Variants in TRPM6 observed in about 807,000 individuals in gnomAD.
The protein encoded by TRPM6 is transient receptor potential cation channel subfamily M member 6.
In TRPM6, 111 loss-of-function variants were observed where a neutral mutation model predicts 247.6. The observed-to-expected ratio is 0.45, with a 90% CI of 0.38 to 0.52. The LOEUF is 0.52. Among genes scored for constraint, TRPM6 ranks in the 20% least tolerant of loss-of-function variants. The pLI is 0.00. For synonymous variants in TRPM6, 892 were observed against 853.8 expected, an observed-to-expected ratio of 1.04 and a Z score of -0.78; for missense variants, 2,126 against 2,421.5, an observed-to-expected ratio of 0.88 and a Z score of 2.56.
intron 25 of TRPM6, among the ~76,000 whole-genome samples, chr9:74,764,810 A>T (rs975641139): frequency 2.6e-5 from 4 of 152,234 alleles, no homozygotes; most frequent in African/African-American, 7.2e-5. Context: ...AGGCATTGAT[A>T]TCTCTTGATT....
chr9:74,801,778 C>A, intron 16 of TRPM6, 120 bp downstream of exon 16: 1 of 1,238,918 alleles, frequency 8.1e-7, no homozygotes, highest in Admixed American at 1.8e-5. Context: ...ACAGGAGAGT[C>A]CATAAAATGC....
intron 14 of TRPM6, chr9:74,804,821 A>G (rs1270154213): frequency 5.9e-6 from 3 of 511,358 alleles, no homozygotes; most frequent in African/African-American, 3.9e-5. Flanking sequence ...AGCTTAATGT[A>G]AAATAAACAT....
intron 1 of TRPM6, chr9:74,887,531 A>C: frequency 8.0e-7 from 1 of 1,242,574 alleles, no homozygotes. Flanking sequence ...TGAACCCCCG[A>C]CCCCCGCTAG....
intron 23 of TRPM6, among the ~76,000 whole-genome samples, chr9:74,777,860 A>G (rs898223349): frequency 3.9e-5 from 6 of 152,224 alleles, no homozygotes; most frequent in South Asian, 2.1e-4. Flanking sequence ...AGCACTCTGC[A>G]GTCGTGCATT....
rs1826709996 is a variant in TRPM6 at position 74,763,127 on chromosome 9, C to T, written c.3544G>A (p.Glu1182Lys). Residue 1182 changes from glutamate (E) to lysine (K), a missense_variant, in exon 26 of 39, where the codon GAG becomes AAG. Glu to Lys is a moderately conservative substitution (Grantham distance 56, BLOSUM62 1). Coordinates refer to ENST00000360774, the MANE Select transcript of TRPM6 (RefSeq NM_017662.5). ...RIRVTSERVTEMYFQLKEMNE... is the reference protein window; with the variant it reads ...RIRVTSERVTKMYFQLKEMNE... The stretch of plus-strand genomic sequence containing the variant: ...ATTTCTTTCAGCTGGAAGTACATCT[C>T]TGTAACCCTAGTGGTGAAGGAAGGG... 5 of 1,610,200 alleles carry T rather than the reference C, an allele frequency of 3.1e-6. No individual in the cohort carries two copies. Among genetic ancestry groups the T allele is most frequent in the Non-Finnish European group, 3.4e-6 (4 of 1,179,974 alleles).
At chr9:74,748,071 T>C (rs1826113183) in intron 30 of TRPM6, among the ~76,000 whole-genome samples, 157 bp from the exon 31 acceptor site, 1 of 152,214 alleles carries the variant, frequency 6.6e-6, no homozygotes, top group South Asian at 2.1e-4. Flanking sequence ...AATGATGTTT[T>C]GGTCAACAAC....
chr9:74,755,293 C>T (rs1031622688), intron 28 of TRPM6, 60 bp downstream of exon 28: 2 of 1,591,264 alleles, frequency 1.3e-6, no homozygotes, highest in African/African-American at 2.7e-5. Flanking sequence ...GGTCTAAAGA[C>T]CGTACCCTGA....
At chr9:74,758,042 A>G (rs1052296338) in intron 27 of TRPM6, among the ~76,000 whole-genome samples, 12 of 152,372 alleles carry the variant, frequency 7.9e-5, no homozygotes, top group Admixed American at 2.0e-4. Context: ...TAAATTAAAC[A>G]ACTTAAACAA....
intron 38 of TRPM6, among the ~76,000 whole-genome samples, chr9:74,727,933 C>A (rs555961821): frequency 6.6e-6 from 1 of 151,880 alleles, no homozygotes; most frequent in Non-Finnish European, 1.5e-5. Flanking sequence ...GGGGGTGGGG[C>A]GGGGGCAAAG....
intron 6 of TRPM6, 132 bp downstream of exon 6, chr9:74,833,866 C>T: frequency 1.6e-6 from 2 of 1,237,216 alleles, no homozygotes; most frequent in Non-Finnish European, 2.3e-6. Flanking sequence ...AGGGAAGCAG[C>T]AGAAAGTCAG....
chr9:74,741,619 G>A (rs973776783), intron 33 of TRPM6, among the ~76,000 whole-genome samples: 4 of 152,112 alleles, frequency 2.6e-5, no homozygotes, highest in African/African-American at 9.7e-5. Context: ...AGCCAGGCCG[G>A]TGCGGTGATT....
intron 25 of TRPM6, among the ~76,000 whole-genome samples, chr9:74,767,156 T>C (rs151197281): frequency 1.2e-3 from 189 of 152,276 alleles, no homozygotes; most frequent in African/African-American, 4.2e-3. Context: ...GGTTTCATGG[T>C]CAAATAGTGG....
At position 74,835,176 on chromosome 9, in the gene TRPM6, G is replaced by C. The variant is rs1587559030; in HGVS notation, c.545-1054C>G. 2.6e-5 allele frequency among the ~76,000 whole-genome samples: 4 copies of C among 152,276 alleles called. No homozygotes were observed. The South Asian group carries it at 8.3e-4, about 32-fold the overall frequency. On this transcript the variant is annotated intron_variant, in intron 5 of 38. Coordinates refer to ENST00000360774, the MANE Select transcript of TRPM6 (RefSeq NM_017662.5). Reference sequence around the variant, plus strand: ...TTGTGGTTTTGATCTGCATTTCTCTGATGGCCAGTGCTGATGAGCATTTTT... The same window carrying C: ...TTGTGGTTTTGATCTGCATTTCTCTCATGGCCAGTGCTGATGAGCATTTTT...
chr9:74,821,793 C>A lies in TRPM6; in HGVS notation c.886G>T (p.Gly296Cys). 1 of 1,614,150 alleles carries A rather than the reference C, an allele frequency of 6.2e-7. No homozygotes were observed. Among genetic ancestry groups the A allele is most frequent in the South Asian group, 1.1e-5 (1 of 91,078 alleles). Residue 296 changes from glycine to cysteine, a missense_variant, in exon 8 of 39, where the codon GGT becomes TGT. This residue lies in a region of TRPM6 where 1,082 missense variants were observed against 1,307.9 expected (regional missense o/e 0.83). Transcript: ENST00000360774. ...VPVVGLVVEG[G>C]PNVILSVWET... Reference sequence around the variant, plus strand: ...CACACTGACAGGATGACGTTGGGACCGCCTTCCACCACCAGCCCCACGACC... The same window carrying A: ...CACACTGACAGGATGACGTTGGGACAGCCTTCCACCACCAGCCCCACGACC...
At position 74,740,842 on chromosome 9, in the gene TRPM6, G is replaced by T. The variant is rs1010067552; in HGVS notation, c.5201-833C>A. 2.6e-5 allele frequency among the ~76,000 whole-genome samples: 4 copies of T among 152,086 alleles called. No homozygotes were observed. The East Asian group carries it at 7.7e-4, about 29-fold the overall frequency. The stretch of plus-strand genomic sequence containing the variant: ...TATATCTGTTTATGTGTACTCTGTA[G>T]ATCTGTGCTTTATATCATAAAAAAA... On this transcript the variant is annotated intron_variant, in intron 33 of 38. Coordinates refer to ENST00000360774, the MANE Select transcript of TRPM6 (RefSeq NM_017662.5).
intron 27 of TRPM6, among the ~76,000 whole-genome samples, chr9:74,761,460 A>C (rs1826628112): frequency 6.6e-6 from 1 of 152,184 alleles, no homozygotes; most frequent in South Asian, 2.1e-4. Flanking sequence ...CTGTAGTCCC[A>C]GCTACTTGGG....
intron 18 of TRPM6, among the ~76,000 whole-genome samples, chr9:74,794,699 A>G (rs768530995): frequency 4.6e-5 from 7 of 152,172 alleles, no homozygotes; most frequent in Non-Finnish European, 8.8e-5. Context: ...GGAGTGAATT[A>G]TAAAGTGCTG....
intron 31 of TRPM6, among the ~76,000 whole-genome samples, chr9:74,745,448 T>C (rs1391414834): frequency 1.3e-5 from 2 of 149,702 alleles, no homozygotes; most frequent in African/African-American, 2.5e-5. Flanking sequence ...TATAGTATAG[T>C]GTGTGTGTGT....
rs535712510 is a variant in TRPM6, at chr9:74,793,689, C to T, written c.2392-919G>A. 3.9e-5 allele frequency among the ~76,000 whole-genome samples: 6 copies of T among 152,352 alleles called. No individual in the cohort carries two copies. The South Asian group carries it at 1.0e-3, about 26-fold the overall frequency. On this transcript the variant is annotated intron_variant, in intron 18 of 38. Coordinates refer to ENST00000360774, the MANE Select transcript of TRPM6 (RefSeq NM_017662.5). The stretch of plus-strand genomic sequence containing the variant: ...CAGGCACTGCATTAGTTTTAGGATT[C>T]TGACCTTCGATAGCATCCCCACTGA...
Sources: gnomAD v4.1 joint callset for allele counts (sites outside exome capture counted in the v4.1 genomes callset) on GRCh38, gnomAD v4.1.1 for gene constraint, gnomAD v4.1.1 regional missense constraint, MANE v1.5 for transcripts, NCBI Gene and HGNC (gene_info 2026-07-23, HGNC 2026-07-21) for gene names.